PFKFB4: variants seen among roughly 807,000 people sequenced by gnomAD.
PFKFB4 encodes 6-phosphofructo-2-kinase/fructose-2,6-biphosphatase 4, also known as 6-phosphofructo-2-kinase/fructose-2,6-bisphosphatase 4.
A neutral mutation model predicts 62.8 loss-of-function variants in PFKFB4; 42 were observed. The ratio of observed to expected loss-of-function variants is 0.67; its 90% CI spans 0.52 to 0.86. PFKFB4 has a LOEUF of 0.86. Ranked by LOEUF, PFKFB4 falls within the 40% of genes least tolerant of loss-of-function variation. PFKFB4 has a pLI of 0.00. For synonymous variants in PFKFB4, 204 were observed against 240.7 expected (o/e 0.85, Z 1.41); for missense variants, 475 against 627.2 (o/e 0.76, Z 2.59).
Position 48,535,512 on chromosome 3 carries a change from C to A in PFKFB4, c.987G>T (p.Ala329=). The change falls in exon 9 of 14, where the codon GCG becomes GCT. Residue 329 remains alanine (A), a splice_region_variant and synonymous_variant. Coordinates refer to ENST00000232375, the MANE Select transcript of PFKFB4 (RefSeq NM_004567.4). ...ACAGGGAGGGAGGGACGGTAACTAC[C>A]GCATCGATCTCGTTGAGGACCTTCC... ...EQWKVLNEID[A]GVCEEMTYEE... is the part of the protein sequence containing the mutation. The A allele has an allele frequency of 1.9e-6, 3 of 1,612,824 alleles. No homozygotes were observed. Among genetic ancestry groups the A allele is most frequent in the Non-Finnish European group, 2.5e-6 (3 of 1,179,094 alleles).
upstream of PFKFB4, chr3:48,557,092 G>T: frequency 1.5e-6 from 1 of 668,048 alleles, no homozygotes; most frequent in Non-Finnish European, 2.1e-6. Flanking sequence ...GGCCCGGATT[G>T]TGCAGGCCCG....
chr3:48,552,764 T>C (rs2043194866), intron 1 of PFKFB4, among the ~76,000 whole-genome samples: 1 of 152,154 alleles, frequency 6.6e-6, no homozygotes, highest in African/African-American at 2.4e-5. Flanking sequence ...GCACCCCCTC[T>C]CCACATCTCC....
chr3:48,536,445 C>T lies in PFKFB4; in HGVS notation c.651G>A (p.Lys217=). The part of the protein sequence containing the change: ...EDLDRDLSYI[K]IMDVGQSYVV... ...CGTAGCTCTGGCCCACATCCATGAT[C>T]TTGATATAGGACAGGTCCCTGTCCA... is the stretch of plus-strand genomic sequence containing the variant. Residue 217 remains lysine, a synonymous_variant, in exon 8 of 14, where the codon AAG becomes AAA. Coordinates refer to ENST00000232375, the MANE Select transcript of PFKFB4 (RefSeq NM_004567.4). 5.6e-6 allele frequency: 9 copies of T among 1,613,650 alleles called. No individual in the cohort carries two copies. Among genetic ancestry groups the T allele is most frequent in the Non-Finnish European group, 7.6e-6 (9 of 1,179,554 alleles).
At chr3:48,550,343 G>GT in intron 1 of PFKFB4, 109 bp from the exon 2 acceptor site, 1 of 732,328 alleles carries the variant, frequency 1.4e-6, no homozygotes, top group Non-Finnish European at 2.4e-6. Flanking sequence ...GGCATCAGAC[G>GT]TATCTTCTTG....
In PFKFB4 at chr3:48,549,854, A is replaced by G; in HGVS notation, c.311+10T>C. ...CAACCTCTCCCCCCACACCCAACAC[A>G]TATACTTACTTCCTGATTTTCAGGC... On this transcript the variant is annotated intron_variant, in intron 3 of 13. Coordinates refer to ENST00000232375, the MANE Select transcript of PFKFB4 (RefSeq NM_004567.4). 6.4e-7 allele frequency: 1 copy of G among 1,554,244 alleles called. No homozygotes were observed. Among genetic ancestry groups the G allele is most frequent in the Non-Finnish European group, 8.9e-7 (1 of 1,125,306 alleles).
Position 48,517,874 on chromosome 3 carries a change from C to CG in PFKFB4, c.*1872dup. 1 of 152,724 alleles carries CG rather than the reference C, an allele frequency of 6.5e-6. No homozygotes were observed. Among genetic ancestry groups the CG allele is most frequent in the Non-Finnish European group, 1.5e-5 (1 of 68,074 alleles). The allele number at this position is 152,724 out of a possible 1,614,324, so 9.5% of individuals were successfully genotyped here. On this transcript the variant is annotated 3_prime_UTR_variant, in exon 14 of 14. Transcript: ENST00000232375. The stretch of plus-strand genomic sequence containing the variant: ...GCGGAGACCATGCCAGGGCAGAGGC[C>CG]GGGGGGTTGCCCCCACTCATGCCCT...
intron 3 of PFKFB4, among the ~76,000 whole-genome samples, chr3:48,548,921 G>A (rs897800692): frequency 6.6e-6 from 1 of 152,162 alleles, no homozygotes; most frequent in African/African-American, 2.4e-5. Context: ...CCTGCCCCCT[G>A]GTGGCCAGAG....
chr3:48,555,299 G>C (rs1241577768), intron 1 of PFKFB4, among the ~76,000 whole-genome samples: 1 of 152,156 alleles, frequency 6.6e-6, no homozygotes, highest in Admixed American at 6.5e-5. Context: ...GGTCTGGTCA[G>C]AAACATGGCC....
chr3:48,555,732 C>CA (rs893668785), intron 1 of PFKFB4, among the ~76,000 whole-genome samples: 38 of 144,982 alleles, frequency 2.6e-4, no homozygotes, highest in Middle Eastern at 3.4e-3. Flanking sequence ...CCTGTCTCTA[C>CA]AAAAAAAAAG....
upstream of PFKFB4, chr3:48,563,050 G>A: frequency 1.2e-6 from 2 of 1,612,250 alleles, no homozygotes; most frequent in Non-Finnish European, 1.7e-6. The surrounding 1 kb of genome is among the most constrained non-coding windows in gnomAD (Gnocchi z 4.5). Flanking sequence ...GGAAGGTTGG[G>A]ATAGGGGTCA....
chr3:48,523,761 C>T lies in PFKFB4; in HGVS notation c.1162G>A (p.Val388Ile). 1 of 1,614,198 alleles carries T rather than the reference C, an allele frequency of 6.2e-7. No individual in the cohort carries two copies. Among genetic ancestry groups the T allele is most frequent in the Non-Finnish European group, 8.5e-7 (1 of 1,180,032 alleles). Residue 388 changes from valine to isoleucine, a missense_variant, in exon 11 of 14, where the codon GTC (valine) becomes ATC (isoleucine). Transcript: ENST00000232375. Reference sequence around the variant, plus strand: ...CGCATCACAGCCTGGTGGCAGATGACCAGCACATTCTCTTGCCTCTCCAGC... The same window carrying T: ...CGCATCACAGCCTGGTGGCAGATGATCAGCACATTCTCTTGCCTCTCCAGC... ...MELERQENVL[V>I]ICHQAVMRCL...
intron 1 of PFKFB4, among the ~76,000 whole-genome samples, chr3:48,551,214 C>CTTTTTTTTTT (rs773561800): frequency 7.4e-6 from 1 of 135,090 alleles, no homozygotes; most frequent in African/African-American, 2.7e-5. Context: ...GCTCACTTTT[C>CTTTTTTTTTT]TTTTTTTTTT....
chr3:48,529,439 C>T (rs1214077113), intron 9 of PFKFB4, among the ~76,000 whole-genome samples: 1 of 152,152 alleles, frequency 6.6e-6, no homozygotes, highest in Non-Finnish European at 1.5e-5. Context: ...AGGAAATCCA[C>T]AAGCATCTTG....
At chr3:48,557,728 G>T (rs770240519), upstream of PFKFB4, among the ~76,000 whole-genome samples, 1 of 152,004 alleles carries the variant, frequency 6.6e-6, no homozygotes, top group Non-Finnish European at 1.5e-5. Context: ...GTAGAGGCGG[G>T]ATTTCACCAC....
intron 9 of PFKFB4, among the ~76,000 whole-genome samples, chr3:48,527,589 T>C (rs1381813294): frequency 6.6e-6 from 1 of 152,116 alleles, no homozygotes. Flanking sequence ...TTAGACTGTC[T>C]TGAAGAGACT....
In PFKFB4 at chr3:48,527,237, G is replaced by A. The variant is rs148055543; in HGVS notation, c.988-1568C>T. 6.1e-4 allele frequency among the ~76,000 whole-genome samples: 92 copies of A among 151,684 alleles called. No individual in the cohort carries two copies. The East Asian group carries it at 0.016, about 26-fold the overall frequency. The stretch of plus-strand genomic sequence containing the variant: ...CCACTCACCTGTAGTGCTTTGTTAC[G>A]GCAGCCCTAGTAAACTAATACTTTT... On this transcript the variant is annotated intron_variant, in intron 9 of 13. Coordinates refer to ENST00000232375, the MANE Select transcript of PFKFB4 (RefSeq NM_004567.4).
rs2041998496 is a variant in PFKFB4 at position 48,518,859 on chromosome 3, A to T, written c.*888T>A. 6.6e-6 allele frequency: 1 copy of T among 152,128 alleles called. No homozygotes were observed. The highest frequency in any genetic ancestry group is 1.5e-5 in the Non-Finnish European group (1 of 68,014). The allele number at this position is 152,128 out of a possible 1,614,324, so 9.4% of individuals were successfully genotyped here. A position where few individuals can be genotyped will look rare whatever the true frequency, so the allele number is the denominator to read the frequency against. On this transcript the variant is annotated 3_prime_UTR_variant, in exon 14 of 14. Coordinates refer to ENST00000232375, the MANE Select transcript of PFKFB4 (RefSeq NM_004567.4). ...AGAGGCCGCCTCCCCATTGGCTGCC[A>T]GTGTCCACAGCCAGGGAAGGGGAGA...
At position 48,521,949 on chromosome 3, in the gene PFKFB4, G is replaced by A. The variant is rs1190261991; in HGVS notation, c.1350+37C>T. On this transcript the variant is annotated intron_variant, in intron 13 of 13. Coordinates refer to ENST00000232375, the MANE Select transcript of PFKFB4 (RefSeq NM_004567.4). This position sits in a 1 kb window ranked among gnomAD's most constrained non-coding sequence, Gnocchi z 5.3. ...TGCAGTCTGGACACCCCCACATCAG[G>A]AACACCCCGCTACCCCAGCAGTGAC... 6.3e-7 allele frequency: 1 copy of A among 1,582,164 alleles called. No individual in the cohort carries two copies. The highest frequency in any genetic ancestry group is 8.7e-7 in the Non-Finnish European group (1 of 1,150,934).
At chr3:48,531,670 G>A (rs1243871477) in intron 9 of PFKFB4, among the ~76,000 whole-genome samples, 1 of 151,822 alleles carries the variant, frequency 6.6e-6, no homozygotes, top group African/African-American at 2.4e-5. Context: ...ATGTGTGCCT[G>A]TAGTCCTAGC....
Sources: gnomAD v4.1 joint callset for allele counts (sites outside exome capture counted in the v4.1 genomes callset) on GRCh38, gnomAD v4.1.1 for gene constraint, Gnocchi (gnomAD v3.1) non-coding constraint, MANE v1.5 for transcripts, NCBI Gene and HGNC (gene_info 2026-07-23, HGNC 2026-07-21) for gene names.